The following CCSER1 variants were observed in gnomAD, a reference collection of about 807,000 sequenced individuals.
The protein encoded by CCSER1 is coiled-coil serine rich protein 1, also known as serine-rich coiled-coil domain-containing protein 1.
Under a neutral mutation model 82.0 loss-of-function variants are expected in CCSER1, and 41 were observed. The ratio of observed to expected loss-of-function variants is 0.50; its 90% CI spans 0.39 to 0.65. The LOEUF (loss-of-function observed/expected upper bound fraction) is 0.65, where lower values mean the gene tolerates loss of function less well. Ranked by LOEUF, CCSER1 falls within the 30% of genes least tolerant of loss-of-function variation. CCSER1 has a pLI of 0.00. For synonymous variants in CCSER1, 414 were observed against 383.9 expected, an observed-to-expected ratio of 1.08 and a Z score of -0.92; for missense variants, 1,119 against 1,064.2, an observed-to-expected ratio of 1.05 and a Z score of -0.72.
intron 10 of CCSER1, among the ~76,000 whole-genome samples, chr4:91,199,833 T>A (rs888191894): frequency 2.0e-5 from 3 of 152,072 alleles, no homozygotes; most frequent in African/African-American, 7.2e-5. Context: ...TTATAGGTTT[T>A]TTTTTAAAAT....
At chr4:90,534,150 GAC>G (rs1774974319) in intron 5 of CCSER1, among the ~76,000 whole-genome samples, 1 of 152,218 alleles carries the variant, frequency 6.6e-6, no homozygotes, top group African/African-American at 2.4e-5. Flanking sequence ...TTGTTTTTGA[GAC>G]ACAGTCTCGC....
At chr4:90,892,853 C>T (rs1723151684) in intron 8 of CCSER1, among the ~76,000 whole-genome samples, 1 of 151,998 alleles carries the variant, frequency 6.6e-6, no homozygotes, top group African/African-American at 2.4e-5. Flanking sequence ...TTACTAATGC[C>T]TGGAATATTA....
intron 10 of CCSER1, among the ~76,000 whole-genome samples, chr4:91,135,776 T>C (rs1728406581): frequency 6.6e-6 from 1 of 152,312 alleles, no homozygotes; most frequent in South Asian, 2.1e-4. Context: ...TATTCACAAG[T>C]AGGGAACCTG....
At chr4:91,382,223 T>C (rs1750956591) in intron 10 of CCSER1, among the ~76,000 whole-genome samples, 1 of 152,176 alleles carries the variant, frequency 6.6e-6, no homozygotes, top group South Asian at 2.1e-4. Flanking sequence ...TCTTCACAGC[T>C]GTCAGACAGG....
At chr4:90,537,901 C>T (rs1321541832) in intron 5 of CCSER1, among the ~76,000 whole-genome samples, 2 of 152,122 alleles carry the variant, frequency 1.3e-5, no homozygotes, top group Admixed American at 6.5e-5. Context: ...TCTTTATCAT[C>T]CAGTAGCCTG....
At chr4:91,051,378 G>T (rs578228738) in intron 9 of CCSER1, among the ~76,000 whole-genome samples, 17 of 152,200 alleles carry the variant, frequency 1.1e-4, no homozygotes, top group African/African-American at 3.1e-4. Flanking sequence ...TTTAAAATCA[G>T]TAACATCAAT....
chr4:90,653,562 A>G (rs1729169766), intron 6 of CCSER1, among the ~76,000 whole-genome samples: 1 of 152,142 alleles, frequency 6.6e-6, no homozygotes, highest in East Asian at 1.9e-4. Flanking sequence ...AACAGGGTGT[A>G]CATTCGTAAG....
At chr4:91,080,786 C>T (rs1456197753) in intron 9 of CCSER1, among the ~76,000 whole-genome samples, 1 of 152,174 alleles carries the variant, frequency 6.6e-6, no homozygotes, top group African/African-American at 2.4e-5. Context: ...ATACTATAAA[C>T]ACCTCTATGC....
At chr4:91,097,058 C>T (rs1156761322) in intron 10 of CCSER1, among the ~76,000 whole-genome samples, 2 of 152,138 alleles carry the variant, frequency 1.3e-5, no homozygotes, top group Non-Finnish European at 2.9e-5. Context: ...GTGCCAGGTC[C>T]TTCCCAGTGT....
intron 7 of CCSER1, among the ~76,000 whole-genome samples, chr4:90,759,626 A>T (rs772882816): frequency 1.3e-5 from 2 of 152,196 alleles, no homozygotes; most frequent in African/African-American, 2.4e-5. Context: ...TTGGGAAAAG[A>T]TGAGCCCAAT....
intron 10 of CCSER1, among the ~76,000 whole-genome samples, chr4:91,376,219 G>A (rs761743467): frequency 2.0e-5 from 3 of 152,108 alleles, no homozygotes; most frequent in African/African-American, 4.8e-5. Flanking sequence ...ACAGAGATAC[G>A]TTCTAAGAAA....
At chr4:90,187,511 C>T (rs890020837) in intron 1 of CCSER1, among the ~76,000 whole-genome samples, 7 of 151,718 alleles carry the variant, frequency 4.6e-5, no homozygotes, top group African/African-American at 1.7e-4. Flanking sequence ...CGAACCATGA[C>T]ATTCTCTAAT....
intron 9 of CCSER1, among the ~76,000 whole-genome samples, chr4:90,932,221 G>A (rs1037714965): frequency 2.3e-4 from 35 of 152,088 alleles, no homozygotes; most frequent in African/African-American, 8.4e-4. Context: ...CAAAAAGAAT[G>A]TAATTTGCAT....
chr4:90,171,412 A>T (rs917448704), intron 1 of CCSER1, among the ~76,000 whole-genome samples: 1 of 152,050 alleles, frequency 6.6e-6, no homozygotes, highest in Admixed American at 6.6e-5. Context: ...GTAACCATTT[A>T]CTACTATTAA....
chr4:90,368,411 G>A (rs1337205762), intron 3 of CCSER1, among the ~76,000 whole-genome samples: 1 of 151,926 alleles, frequency 6.6e-6, no homozygotes, highest in Admixed American at 6.6e-5. Context: ...CAGGGCAGGA[G>A]GATCACTTGA....
chr4:91,231,054 A>G (rs976415406), intron 10 of CCSER1, among the ~76,000 whole-genome samples: 47 of 151,884 alleles, frequency 3.1e-4, no homozygotes, highest in African/African-American at 1.1e-3. Flanking sequence ...AATTCTGGCA[A>G]TATCTTATAA....
At chr4:90,691,536 A>AT (rs1366874659) in intron 6 of CCSER1, among the ~76,000 whole-genome samples, 1 of 145,086 alleles carries the variant, frequency 6.9e-6, no homozygotes, top group Non-Finnish European at 1.5e-5. Flanking sequence ...TCACACGTAT[A>AT]ATACATGTGT....
At chr4:90,371,250 T>C (rs1329178043) in intron 3 of CCSER1, among the ~76,000 whole-genome samples, 1 of 152,084 alleles carries the variant, frequency 6.6e-6, no homozygotes, top group Non-Finnish European at 1.5e-5. Flanking sequence ...TTCCAGAAAA[T>C]AATTGCTATT....
At chr4:91,247,200 G>A (rs552203394) in intron 10 of CCSER1, among the ~76,000 whole-genome samples, 3 of 151,840 alleles carry the variant, frequency 2.0e-5, no homozygotes, top group African/African-American at 7.3e-5. Context: ...TACTCAGGAG[G>A]CTGAGGCAGG....
Sources: gnomAD v4.1 joint callset for allele counts (sites outside exome capture counted in the v4.1 genomes callset) on GRCh38, gnomAD v4.1.1 for gene constraint, MANE v1.5 for transcripts, NCBI Gene and HGNC (gene_info 2026-07-23, HGNC 2026-07-21) for gene names.